Variants in RBFOX1 observed in about 807,000 individuals in gnomAD.
RBFOX1 encodes the protein RNA binding protein fox-1 homolog 1.
A neutral mutation model predicts 57.7 loss-of-function variants in RBFOX1; 8 were observed. The ratio of observed to expected loss-of-function variants is 0.14; its 90% confidence interval spans 0.08 to 0.25. The LOEUF is 0.25. Among genes scored for constraint, RBFOX1 ranks in the 10% least tolerant of loss-of-function variants. RBFOX1 has a pLI of 1.00. For missense variants in RBFOX1, 611 were observed against 548.5 expected, an observed-to-expected ratio of 1.11 and a Z score of -1.14; for synonymous variants, 326 against 222.4, an observed-to-expected ratio of 1.47 and a Z score of -4.15.
intron 3 of RBFOX1, among the ~76,000 whole-genome samples, chr16:6,844,112 C>G (rs933440244): frequency 3.1e-5 from 4 of 128,968 alleles, no homozygotes; most frequent in African/African-American, 1.3e-4. Flanking sequence ...ACCATCACAT[C>G]TTCCCTGCAT....
intron 3 of RBFOX1, among the ~76,000 whole-genome samples, chr16:7,037,601 T>C (rs565855031): frequency 3.3e-5 from 5 of 152,352 alleles, no homozygotes; most frequent in African/African-American, 1.2e-4. Context: ...TTTCTTGTAG[T>C]GAAAAGGCAC....
At position 5,314,345 on chromosome 16, in the gene RBFOX1, G is replaced by C. The variant is rs777125218; in HGVS notation, c.219+74240G>C. Among the ~76,000 whole-genome samples, 8 of 152,294 alleles carry C rather than the reference G, an allele frequency of 5.3e-5. No homozygotes were observed. The East Asian group carries it at 1.4e-3, about 26-fold the overall frequency. On this transcript the variant is annotated intron_variant, in intron 1 of 2. Coordinates refer to the RBFOX1 transcript ENST00000585867. ...TGTGGAGAGGGGGAGTGGTAGACCCGTGCCCCATGGCACAGGTGAGCTCTG... is the reference window on the plus strand; with the variant it reads ...TGTGGAGAGGGGGAGTGGTAGACCCCTGCCCCATGGCACAGGTGAGCTCTG...
At chr16:5,265,944 C>T (rs560289651) in intron 1 of RBFOX1, among the ~76,000 whole-genome samples, 5 of 151,828 alleles carry the variant, frequency 3.3e-5, no homozygotes, top group South Asian at 2.1e-4. Flanking sequence ...TGGGGATCTC[C>T]GGGTCTTGAG....
chr16:5,349,846 G>A (rs2065223641), intron 1 of RBFOX1, among the ~76,000 whole-genome samples: 1 of 152,230 alleles, frequency 6.6e-6, no homozygotes, highest in Non-Finnish European at 1.5e-5. Flanking sequence ...GAGGCCCCAG[G>A]AAGCAGCCCT....
intron 4 of RBFOX1, among the ~76,000 whole-genome samples, chr16:7,165,974 A>ATGCATACG (rs2079425594): frequency 6.7e-6 from 1 of 150,362 alleles, no homozygotes; most frequent in East Asian, 2.0e-4. Context: ...ACATACATAC[A>ATGCATACG]TACACCCCAG....
chr16:6,133,232 A>T (rs2096642497), intron 1 of RBFOX1, among the ~76,000 whole-genome samples: 1 of 152,122 alleles, frequency 6.6e-6, no homozygotes, highest in African/African-American at 2.4e-5. Context: ...TGTGCTGACA[A>T]AAGTCCCCTG....
intron 3 of RBFOX1, among the ~76,000 whole-genome samples, chr16:5,839,593 A>C (rs10852666): frequency 0.41 from 61,686 of 151,944 alleles, 13,317 homozygotes; most frequent in East Asian, 0.63. Flanking sequence ...GCAGTAAGTA[A>C]CTTACTCAAA....
At chr16:5,853,424 C>G (rs558046428) in intron 3 of RBFOX1, among the ~76,000 whole-genome samples, 4 of 152,206 alleles carry the variant, frequency 2.6e-5, no homozygotes, top group African/African-American at 9.6e-5. Context: ...CCCCCATGTT[C>G]CCTGGGCTTG....
chr16:5,243,054 G>T (rs566231102), intron 1 of RBFOX1, among the ~76,000 whole-genome samples: 2 of 151,854 alleles, frequency 1.3e-5, no homozygotes, highest in African/African-American at 4.8e-5. Context: ...CTGGCTTCTT[G>T]TGTATCCACA....
chr16:7,426,373 G>T (rs1042052616), intron 4 of RBFOX1, among the ~76,000 whole-genome samples: 2 of 152,112 alleles, frequency 1.3e-5, no homozygotes, highest in African/African-American at 4.8e-5. Context: ...CAGCTCTGGG[G>T]GCACCATGGG....
chr16:6,690,049 C>G (rs1040621187), intron 3 of RBFOX1, among the ~76,000 whole-genome samples: 3 of 152,080 alleles, frequency 2.0e-5, no homozygotes, highest in African/African-American at 7.2e-5. Flanking sequence ...TGAAAAGAAT[C>G]CTTGCTTTAT....
intron 3 of RBFOX1, among the ~76,000 whole-genome samples, chr16:6,868,346 A>C (rs1292545760): frequency 6.6e-6 from 1 of 152,174 alleles, no homozygotes; most frequent in Non-Finnish European, 1.5e-5. Context: ...ATCTATGATA[A>C]GTGTCTATAA....
At chr16:5,491,459 A>G (rs2042825896) in intron 2 of RBFOX1, among the ~76,000 whole-genome samples, 1 of 152,208 alleles carries the variant, frequency 6.6e-6, no homozygotes, top group Admixed American at 6.5e-5. Flanking sequence ...ACCAAGTGTC[A>G]TGTACTAGAA....
At chr16:6,839,171 G>A (rs966048603) in intron 3 of RBFOX1, among the ~76,000 whole-genome samples, 2 of 144,944 alleles carry the variant, frequency 1.4e-5, no homozygotes, top group African/African-American at 4.9e-5. Flanking sequence ...TTCTTGTAGA[G>A]ACAGGGTTTC....
chr16:6,885,271 C>G (rs954427139), intron 3 of RBFOX1, among the ~76,000 whole-genome samples: 3 of 152,176 alleles, frequency 2.0e-5, no homozygotes, highest in Admixed American at 6.5e-5. Context: ...CACCTGGAAA[C>G]TTGCTACAGA....
intron 3 of RBFOX1, among the ~76,000 whole-genome samples, chr16:6,711,295 T>A (rs1010103131): frequency 1.3e-5 from 2 of 152,140 alleles, no homozygotes; most frequent in Non-Finnish European, 2.9e-5. Flanking sequence ...ATGGCTTCTG[T>A]CTCACTGAGA....
At chr16:7,116,107 G>A (rs192515451) in intron 4 of RBFOX1, among the ~76,000 whole-genome samples, 2 of 152,194 alleles carry the variant, frequency 1.3e-5, no homozygotes, top group Non-Finnish European at 2.9e-5. Flanking sequence ...TACAGATAAG[G>A]AAACTGAGGC....
At chr16:6,598,633 A>T (rs1036407441) in intron 2 of RBFOX1, among the ~76,000 whole-genome samples, 1 of 150,082 alleles carries the variant, frequency 6.7e-6, no homozygotes. Context: ...TTATGTGACC[A>T]TTCAAAATGG....
chr16:6,968,289 G>GA (rs1164730606), intron 3 of RBFOX1, among the ~76,000 whole-genome samples: 2 of 152,218 alleles, frequency 1.3e-5, no homozygotes, highest in African/African-American at 4.8e-5. Flanking sequence ...GAGGATATTT[G>GA]AAAAGCAGCC....
Sources: allele counts gnomAD v4.1 joint callset (sites outside exome capture counted in the v4.1 genomes callset), GRCh38; gene constraint gnomAD v4.1.1; transcripts MANE v1.5; gene names NCBI Gene and HGNC (gene_info 2026-07-23, HGNC 2026-07-21).